Variants in SH3BP5 observed in about 807,000 individuals in gnomAD.
SH3BP5 encodes the protein SH3 domain binding protein 5.
A neutral mutation model predicts 43.3 loss-of-function variants in SH3BP5; 22 were observed. The observed-to-expected ratio is 0.51, with a 90% CI of 0.36 to 0.73. The LOEUF is 0.73. Ranked by LOEUF, SH3BP5 falls within the 30% of genes least tolerant of loss-of-function variation. SH3BP5 has a pLI of 0.00. For missense variants in SH3BP5, 529 were observed against 586.9 expected (o/e 0.90, Z 1.02); for synonymous variants, 255 against 225.8 (o/e 1.13, Z -1.16).
At chr3:15,264,080 A>G (rs1016528492) in intron 4 of SH3BP5, among the ~76,000 whole-genome samples, 2 of 152,212 alleles carry the variant, frequency 1.3e-5, no homozygotes, top group African/African-American at 2.4e-5. Context: ...AACAGCCACA[A>G]TCAGCCCTAG....
rs145791216 is a variant in SH3BP5 at position 15,324,678 on chromosome 3, C to T, written c.201+5826G>A. Among the ~76,000 whole-genome samples the T allele has an allele frequency of 2.9e-3, 439 of 152,254 alleles. 5 individuals are homozygous for T. The highest frequency in any genetic ancestry group is 0.01 in the Middle Eastern group (3 of 294). On this transcript the variant is annotated intron_variant, in intron 2 of 8. Coordinates refer to ENST00000383791, the MANE Select transcript of SH3BP5 (RefSeq NM_004844.5). The stretch of plus-strand genomic sequence containing the variant: ...GGACCTAGTCCCTAGTGCATTCCAC[C>T]CACACGTTTTAATGGAGAAAGTGCT...
chr3:15,266,275 C>G (rs1696643090), intron 4 of SH3BP5, among the ~76,000 whole-genome samples: 1 of 152,206 alleles, frequency 6.6e-6, no homozygotes, highest in African/African-American at 2.4e-5. Context: ...CGGTTCACAC[C>G]CACCAACGTC....
intron 3 of SH3BP5, among the ~76,000 whole-genome samples, chr3:15,278,843 C>T (rs552327274): frequency 4.6e-5 from 7 of 152,208 alleles, no homozygotes; most frequent in Admixed American, 4.6e-4. Flanking sequence ...TTCATTATTT[C>T]TATCAAAATT....
chr3:15,309,906 A>C (rs374524339), intron 2 of SH3BP5, among the ~76,000 whole-genome samples: 2,086 of 125,654 alleles, frequency 0.017, no homozygotes, highest in Middle Eastern at 0.05. Context: ...TCCCCGCTCC[A>C]CCCCCCCCCC....
rs573402273 is a variant in SH3BP5, at chr3:15,290,242, A to G, written c.330+13861T>C. 4.6e-5 allele frequency among the ~76,000 whole-genome samples: 7 copies of G among 151,758 alleles called. 1 individual carries two copies. The South Asian group carries it at 1.5e-3, about 32-fold the overall frequency. On this transcript the variant is annotated intron_variant, in intron 3 of 8. Coordinates refer to ENST00000383791, the MANE Select transcript of SH3BP5 (RefSeq NM_004844.5). The stretch of plus-strand genomic sequence containing the variant: ...ACCCCGTCTCTTCTAAAAATACAAA[A>G]ATTAGGCTGGGCGCGGTGGCTCACG...
chr3:15,331,639 T>C (rs1468767900), intron 1 of SH3BP5: 1 of 152,266 alleles, frequency 6.6e-6, no homozygotes, highest in African/African-American at 2.4e-5. Flanking sequence ...TTGTCCCCGA[T>C]TTCTTTTCAT....
At chr3:15,324,293 G>T (rs909759014) in intron 2 of SH3BP5, among the ~76,000 whole-genome samples, 1 of 152,072 alleles carries the variant, frequency 6.6e-6, no homozygotes. Flanking sequence ...CCTCTCAAAG[G>T]GCCCTGAGTG....
chr3:15,327,152 G>C (rs1044604107), intron 2 of SH3BP5, among the ~76,000 whole-genome samples: 11 of 151,964 alleles, frequency 7.2e-5, no homozygotes, highest in Admixed American at 3.9e-4. Context: ...CGGTGGGGAG[G>C]GGGGTAGCGA....
At chr3:15,331,665 A>G (rs79540529) in intron 1 of SH3BP5, 21,758 of 152,280 alleles carry the variant, frequency 0.14, 1,820 homozygotes, top group East Asian at 0.32. Context: ...ACCTCACAAC[A>G]AGGAAAAGCA....
rs946792536 is a variant in SH3BP5, at chr3:15,284,064, G to T, written c.331-14187C>A. ...CTGGAGAGAAGAAGCACCAATGCAG[G>T]GCCCCATATTATCCCCCCTCTCCAG... On this transcript the variant is annotated intron_variant, in intron 3 of 8. Coordinates refer to ENST00000383791, the MANE Select transcript of SH3BP5 (RefSeq NM_004844.5). Among the ~76,000 whole-genome samples the T allele has an allele frequency of 2.6e-5, 4 of 152,068 alleles. No homozygotes were observed. The South Asian group carries it at 8.3e-4, about 32-fold the overall frequency.
In SH3BP5 at chr3:15,259,660, C is replaced by G. The variant is rs919401649; in HGVS notation, c.669+101G>C. The G allele has an allele frequency of 4.6e-6, 5 of 1,090,002 alleles. No individual in the cohort carries two copies. In the African/African-American group the frequency reaches 6.2e-5, roughly 14 times the overall value. 67.5% of individuals were successfully genotyped at this position (1,090,002 alleles called of 1,614,324 possible). A position where few individuals can be genotyped will look rare whatever the true frequency, so the allele number is the denominator to read the frequency against. ...AGTAAAGCCTGTCTCTCCACTTTCCCCTTATAGCAAGTGGCCCATGTGATA... is the reference window on the plus strand; with the variant it reads ...AGTAAAGCCTGTCTCTCCACTTTCCGCTTATAGCAAGTGGCCCATGTGATA... On this transcript the variant is annotated intron_variant, in intron 6 of 8. Transcript: ENST00000383791.
intron 3 of SH3BP5, among the ~76,000 whole-genome samples, chr3:15,280,262 C>T (rs146520697): frequency 6.6e-6 from 1 of 152,254 alleles, no homozygotes; most frequent in Non-Finnish European, 1.5e-5. Context: ...GCCCACATTC[C>T]TCCTCATCCT....
intron 3 of SH3BP5, among the ~76,000 whole-genome samples, chr3:15,277,812 AC>A (rs113462450): frequency 2.0e-5 from 3 of 151,732 alleles, no homozygotes; most frequent in Admixed American, 6.6e-5. Context: ...GTATGCATAC[AC>A]CCCCCCAGCA....
chr3:15,331,379 T>C (rs771578809), intron 1 of SH3BP5, among the ~76,000 whole-genome samples: 37 of 152,296 alleles, frequency 2.4e-4, no homozygotes, highest in Non-Finnish European at 3.7e-4. Flanking sequence ...AAAAAACCAA[T>C]TAGGTATCCA....
At chr3:15,333,222 G>A (rs1698659252), upstream of SH3BP5, 1 of 985,498 alleles carries the variant, frequency 1.0e-6, no homozygotes, top group Non-Finnish European at 1.2e-6. Flanking sequence ...CAACAAGTAG[G>A]GAGACAGAGT....
At chr3:15,256,569 T>G (rs1696207594) in intron 8 of SH3BP5, 1 of 593,648 alleles carries the variant, frequency 1.7e-6, no homozygotes, top group South Asian at 2.1e-5. Flanking sequence ...CATATTCACT[T>G]TATTGCTGAG....
In SH3BP5 at chr3:15,292,041, G is replaced by A. The variant is rs911309019; in HGVS notation, c.330+12062C>T. On this transcript the variant is annotated intron_variant, in intron 3 of 8. Coordinates refer to ENST00000383791, the MANE Select transcript of SH3BP5 (RefSeq NM_004844.5). ...CAACATAAAAAGGCCAGCCTGTGTCGACAAAACTCGTAGCAGAAACACAAC... is the reference window on the plus strand; with the variant it reads ...CAACATAAAAAGGCCAGCCTGTGTCAACAAAACTCGTAGCAGAAACACAAC... Among the ~76,000 whole-genome samples, 17 of 152,260 alleles carry A rather than the reference G, an allele frequency of 1.1e-4. 1 individual carries two copies. The highest frequency in any genetic ancestry group is 9.2e-4 in the Admixed American group (14 of 15,290).
intron 3 of SH3BP5, among the ~76,000 whole-genome samples, chr3:15,272,372 G>A (rs6784437): frequency 0.13 from 19,872 of 152,172 alleles, 4,301 homozygotes; most frequent in African/African-American, 0.45. Context: ...CAGGAAGGGA[G>A]GAATGGCAGG....
Position 15,326,251 on chromosome 3 carries a change from C to T in SH3BP5, c.201+4253G>A, listed in dbSNP as rs185193259. Among the ~76,000 whole-genome samples the T allele has an allele frequency of 4.7e-4, 72 of 152,226 alleles. No homozygotes were observed. In the East Asian group the frequency reaches 8.5e-3, roughly 18 times the overall value. On this transcript the variant is annotated intron_variant, in intron 2 of 8. Coordinates refer to ENST00000383791, the MANE Select transcript of SH3BP5 (RefSeq NM_004844.5). The stretch of plus-strand genomic sequence containing the variant: ...GGAAGAGACAGACATCCAAGTGACA[C>T]GGCAGATGGCTGGCATCCAGAGGCC...
Sources: gnomAD v4.1 joint callset for allele counts (sites outside exome capture counted in the v4.1 genomes callset) on GRCh38, gnomAD v4.1.1 for gene constraint, MANE v1.5 for transcripts, NCBI Gene and HGNC (gene_info 2026-07-23, HGNC 2026-07-21) for gene names.